Variants in SUPT5H observed in about 807,000 individuals in gnomAD.
The protein encoded by SUPT5H is SPT5 homolog, DSIF elongation factor subunit, also known as transcription elongation factor SPT5.
Under a neutral mutation model 142.5 loss-of-function variants are expected in SUPT5H, and 24 were observed. That is an observed-to-expected ratio of 0.17 (90% CI 0.12 to 0.24). SUPT5H has a LOEUF of 0.24. SUPT5H is among the 10% of genes least tolerant of loss of function. The probability of loss-of-function intolerance (pLI) is 1.00; values close to 1 mark genes in which losing one functional copy is unlikely to be tolerated. For missense variants in SUPT5H, 893 were observed against 1,471.8 expected (o/e 0.61, Z 6.43); for synonymous variants, 546 against 553.0 (o/e 0.99, Z 0.18).
At chr19:39,449,002 A>G (rs1379616241) in intron 2 of SUPT5H, among the ~76,000 whole-genome samples, 1 of 142,800 alleles carries the variant, frequency 7.0e-6, no homozygotes, top group East Asian at 2.5e-4. Context: ...AGGCAGGAGA[A>G]TGGCGTGAAC....
At chr19:39,465,930 C>T (rs1464231195) in intron 11 of SUPT5H, among the ~76,000 whole-genome samples, 1 of 152,178 alleles carries the variant, frequency 6.6e-6, no homozygotes, top group Non-Finnish European at 1.5e-5. Flanking sequence ...TTGCATTATA[C>T]TTACCGGTTG....
At position 39,473,352 on chromosome 19, in the gene SUPT5H, G is replaced by A. The variant is rs765132798; in HGVS notation, c.2386+22G>A. 5.6e-6 allele frequency: 9 copies of A among 1,613,614 alleles called. No individual in the cohort carries two copies. In the East Asian group the frequency reaches 1.1e-4, roughly 20 times the overall value. ...GATGGTGAGTGCCCGCAGGGGACAG[G>A]GAAGAGGGGCTAGGGGGACCTAGAG... On this transcript the variant is annotated intron_variant, in intron 24 of 29. Coordinates refer to ENST00000432763, the MANE Select transcript of SUPT5H (RefSeq NM_001111020.3). The surrounding 1 kb of genome is among the most constrained non-coding windows in gnomAD (Gnocchi z 5.8).
At chr19:39,475,563 T>C (rs1437298331) in intron 28 of SUPT5H, among the ~76,000 whole-genome samples, 1 of 151,370 alleles carries the variant, frequency 6.6e-6, no homozygotes, top group African/African-American at 2.4e-5. Flanking sequence ...CAGTGATGGA[T>C]TGGGGGTGGG....
chr19:39,451,277 C>T (rs1353356471), intron 2 of SUPT5H, among the ~76,000 whole-genome samples: 7 of 149,632 alleles, frequency 4.7e-5, no homozygotes, highest in African/African-American at 1.7e-4. Flanking sequence ...CAACCTGTGC[C>T]TCCCAGGTTC....
chr19:39,459,417 C>G (rs955799691), intron 8 of SUPT5H, 142 bp from the exon 9 acceptor site: 14 of 1,335,542 alleles, frequency 1.0e-5, no homozygotes, highest in Non-Finnish European at 1.4e-5. Context: ...TCCTCTTGCT[C>G]CTGGGTAGAA....
At chr19:39,459,288 G>T in intron 8 of SUPT5H, 39 bp downstream of exon 8, 1 of 1,552,574 alleles carries the variant, frequency 6.4e-7, no homozygotes, top group South Asian at 1.2e-5. Context: ...GCTGGGGTGC[G>T]AATCTTGTAT....
intron 3 of SUPT5H, among the ~76,000 whole-genome samples, chr19:39,456,991 A>G (rs1019097905): frequency 7.2e-5 from 11 of 152,326 alleles, no homozygotes; most frequent in Admixed American, 5.2e-4. Context: ...TACATCCTCT[A>G]TGGACATTGG....
chr19:39,464,829 A>C lies in SUPT5H; in HGVS notation c.656A>C (p.Glu219Ala). ...PLQIKSVVAP[E>A]HVKGYIYVEA... The stretch of plus-strand genomic sequence containing the variant: ...CAGATCAAGTCAGTAGTGGCACCAG[A>C]GCATGTGAAGGGCTACATCTACGTG... Residue 219 changes from glutamate (E) to alanine (A), a missense_variant, in exon 11 of 30, where the codon GAG becomes GCG. Glu to Ala is a moderately radical substitution (Grantham distance 107). Coordinates refer to ENST00000432763, the MANE Select transcript of SUPT5H (RefSeq NM_001111020.3). 6.2e-7 allele frequency: 1 copy of C among 1,613,152 alleles called. No individual in the cohort carries two copies. Among genetic ancestry groups the C allele is most frequent in the Non-Finnish European group, 8.5e-7 (1 of 1,179,246 alleles).
chr19:39,457,573 G>T lies in SUPT5H; in HGVS notation c.242-102G>T, dbSNP rs192613147. On this transcript the variant is annotated intron_variant, in intron 3 of 29. Coordinates refer to ENST00000432763, the MANE Select transcript of SUPT5H (RefSeq NM_001111020.3). The stretch of plus-strand genomic sequence containing the variant: ...GGAGCCTCAGTGTCCTGCTCTGTGC[G>T]GTGGGGATTTGTAGTGCACATCTCC... 1.4e-4 allele frequency: 216 copies of T among 1,550,202 alleles called. 1 individual carries two copies. Among genetic ancestry groups the T allele is most frequent in the Non-Finnish European group, 1.8e-4 (210 of 1,143,826 alleles).
rs909489943 is a variant in SUPT5H at position 39,458,400 on chromosome 19, C to G, written c.319+95C>G. On this transcript the variant is annotated intron_variant, in intron 5 of 29. Coordinates refer to ENST00000432763, the MANE Select transcript of SUPT5H (RefSeq NM_001111020.3). The surrounding 1 kb of genome is among the most constrained non-coding windows in gnomAD (Gnocchi z 4.2). ...CCTGCCCTCACCGGTAGCCTCCCCACCAGCCCCGGTCTGGCCCTGAGGGCT... is the reference window on the plus strand; with the variant it reads ...CCTGCCCTCACCGGTAGCCTCCCCAGCAGCCCCGGTCTGGCCCTGAGGGCT... The G allele has an allele frequency of 8.8e-6, 14 of 1,589,034 alleles. No homozygotes were observed. Among genetic ancestry groups the G allele is most frequent in the Non-Finnish European group, 1.2e-5 (14 of 1,167,610 alleles).
rs370594966 is a variant in SUPT5H, at chr19:39,458,977, C to T, written c.390-28C>T. 1.5e-4 allele frequency: 242 copies of T among 1,613,904 alleles called. No homozygotes were observed. Among genetic ancestry groups the T allele is most frequent in the Middle Eastern group, 1.6e-4 (1 of 6,084 alleles). On this transcript the variant is annotated intron_variant, in intron 6 of 29. Coordinates refer to ENST00000432763, the MANE Select transcript of SUPT5H (RefSeq NM_001111020.3). This position sits in a 1 kb window ranked among gnomAD's most constrained non-coding sequence, Gnocchi z 4.2. ...CACCTGCTGTCCTCAACCTTCAATT[C>T]GTGTTTGCTTCCCCACTCGTGCTCC...
At position 39,470,343 on chromosome 19, in the gene SUPT5H, G is replaced by T; in HGVS notation, c.1531-34G>T. The T allele has an allele frequency of 1.3e-6, 2 of 1,549,702 alleles. No homozygotes were observed. The highest frequency in any genetic ancestry group is 1.8e-6 in the Non-Finnish European group (2 of 1,142,768). On this transcript the variant is annotated intron_variant, in intron 17 of 29. Coordinates refer to ENST00000432763, the MANE Select transcript of SUPT5H (RefSeq NM_001111020.3). This position sits in a 1 kb window ranked among gnomAD's most constrained non-coding sequence, Gnocchi z 5.8. ...GAGACCCAGGTAGGCGAGCCACCTG[G>T]ACTGGGCCTCACCCCTTTCACCATC... is the stretch of plus-strand genomic sequence containing the variant.
chr19:39,464,715 A>G, intron 10 of SUPT5H, 83 bp from the exon 11 acceptor site: 1 of 1,514,660 alleles, frequency 6.6e-7, no homozygotes, highest in Non-Finnish European at 8.9e-7. Flanking sequence ...TTCCTAGAAG[A>G]GGGACTGCTG....
intron 2 of SUPT5H, among the ~76,000 whole-genome samples, chr19:39,449,797 A>G (rs2078998210): frequency 6.6e-6 from 1 of 151,450 alleles, no homozygotes; most frequent in Non-Finnish European, 1.5e-5. Context: ...GCGCCACCAC[A>G]CCTGGCTGAT....
Position 39,474,170 on chromosome 19 carries a change from A to G in SUPT5H, c.2651+49A>G, listed in dbSNP as rs774870370. On this transcript the variant is annotated intron_variant, in intron 26 of 29. Transcript: ENST00000432763. This position sits in a 1 kb window ranked among gnomAD's most constrained non-coding sequence, Gnocchi z 6.5. Reference sequence around the variant, plus strand: ...CGTCTACCCCTGCCCAAACCCTCCTACTGCCACCACCTCTTTTCCCCTCCC... The same window carrying G: ...CGTCTACCCCTGCCCAAACCCTCCTGCTGCCACCACCTCTTTTCCCCTCCC... 2.5e-6 allele frequency: 4 copies of G among 1,609,998 alleles called. No individual in the cohort carries two copies. Among genetic ancestry groups the G allele is most frequent in the Non-Finnish European group, 3.4e-6 (4 of 1,177,990 alleles).
chr19:39,469,105 C>T lies in SUPT5H; in HGVS notation c.1170C>T (p.Leu390=). Residue 390 remains leucine (L), a synonymous_variant, in exon 15 of 30, where the codon CTC becomes CTT. Transcript: ENST00000432763. The surrounding 1 kb of genome is among the most constrained non-coding windows in gnomAD (Gnocchi z 5.1). ...AVITEGVKPT[L]SELEKFEDQP... is the part of the protein sequence containing the mutation. The stretch of plus-strand genomic sequence containing the variant: ...TCACGGAGGGTGTGAAGCCAACACT[C>T]TCTGAGCTGGAAAAGTTTGAGGACC... The T allele has an allele frequency of 3.1e-6, 5 of 1,614,228 alleles. No individual in the cohort carries two copies. Among genetic ancestry groups the T allele is most frequent in the Non-Finnish European group, 4.2e-6 (5 of 1,180,046 alleles).
intron 18 of SUPT5H, 151 bp from the exon 19 acceptor site, chr19:39,471,205 TG>T: frequency 2.2e-6 from 2 of 910,390 alleles, no homozygotes; most frequent in Non-Finnish European, 3.3e-6. Flanking sequence ...GGTGGCACTC[TG>T]CCTGCCTGCC....
chr19:39,457,745 G>A lies in SUPT5H; in HGVS notation c.307+5G>A. On this transcript the variant is annotated splice_donor_5th_base_variant and intron_variant, in intron 4 of 29. Coordinates refer to ENST00000432763, the MANE Select transcript of SUPT5H (RefSeq NM_001111020.3). Reference sequence around the variant, plus strand: ...CAGAGGACATTCTAGAGAAAGGTGTGTGTGAGCCCTGCCTCCACAAGACTA... The same window carrying A: ...CAGAGGACATTCTAGAGAAAGGTGTATGTGAGCCCTGCCTCCACAAGACTA... 1 of 1,614,102 alleles carries A rather than the reference G, an allele frequency of 6.2e-7. No individual in the cohort carries two copies. The highest frequency in any genetic ancestry group is 1.1e-5 in the South Asian group (1 of 91,088).
intron 10 of SUPT5H, among the ~76,000 whole-genome samples, chr19:39,461,290 G>C (rs191499426): frequency 1.7e-4 from 26 of 150,894 alleles, no homozygotes; most frequent in Admixed American, 4.0e-4. Context: ...ACTCCGTCTC[G>C]GGGTGGGTAG....
Sources: gnomAD v4.1 joint callset for allele counts (sites outside exome capture counted in the v4.1 genomes callset) on GRCh38, gnomAD v4.1.1 for gene constraint, Gnocchi (gnomAD v3.1) non-coding constraint, MANE v1.5 for transcripts, NCBI Gene and HGNC (gene_info 2026-07-23, HGNC 2026-07-21) for gene names.